The following ZNF662 variants were observed in gnomAD, a reference collection of about 807,000 sequenced individuals.
The protein encoded by ZNF662 is zinc finger protein 662.
A neutral mutation model predicts 12.4 loss-of-function variants in ZNF662; 14 were observed. The observed-to-expected ratio is 1.13, with a 90% CI of 0.75 to 1.77. The LOEUF (loss-of-function observed/expected upper bound fraction) is 1.77. ZNF662 is among the 40% of genes most tolerant of loss of function. The pLI is 0.00. For missense variants in ZNF662, 550 were observed against 515.6 expected (o/e 1.07, Z -0.65); for synonymous variants, 184 against 176.4 (o/e 1.04, Z -0.34).
intron 3 of ZNF662, among the ~76,000 whole-genome samples, chr3:42,912,398 TATATATTATATATTATATATATTA>T (rs1191032879): frequency 1.0e-5 from 1 of 98,534 alleles, no homozygotes; most frequent in African/African-American, 4.2e-5. Context: ...AATATATATT[TATATATTATATATTATATATATTA>T]ATATATATAT....
Position 42,916,254 on chromosome 3 carries a change from G to C in ZNF662, c.*900G>C, listed in dbSNP as rs2088895678. On this transcript the variant is annotated 3_prime_UTR_variant, in exon 5 of 5. Transcript: ENST00000440367. ...TCACTGAAAACCTTATTTGATGGAAGCAACATTGCAGTTAAATTGTGAACT... is the reference window on the plus strand; with the variant it reads ...TCACTGAAAACCTTATTTGATGGAACCAACATTGCAGTTAAATTGTGAACT... 1 of 151,720 alleles carries C rather than the reference G, an allele frequency of 6.6e-6. No individual in the cohort carries two copies. Among genetic ancestry groups the C allele is most frequent in the Admixed American group, 6.6e-5 (1 of 15,218 alleles). 9.4% of individuals were successfully genotyped at this position (151,720 alleles called of 1,614,324 possible).
At chr3:42,907,419 A>G (rs1365537972) in intron 1 of ZNF662, among the ~76,000 whole-genome samples, 1 of 152,104 alleles carries the variant, frequency 6.6e-6, no homozygotes, top group Non-Finnish European at 1.5e-5. Flanking sequence ...ACTGGGGAGG[A>G]CAAAGGAGGA....
chr3:42,912,647 TA>T (rs1477714248), intron 3 of ZNF662, among the ~76,000 whole-genome samples: 8 of 80,454 alleles, frequency 9.9e-5, no homozygotes, highest in Non-Finnish European at 1.8e-4. Context: ...ATTTTATATA[TA>T]TATAAATATA....
chr3:42,909,746 C>G (rs1357719853), intron 3 of ZNF662, among the ~76,000 whole-genome samples: 1 of 147,922 alleles, frequency 6.8e-6, no homozygotes, highest in East Asian at 2.1e-4. Context: ...CTCCTCACAT[C>G]TCAGACGGGG....
rs779237790 is a variant in ZNF662, at chr3:42,908,899, C to T, written c.141C>T (p.Gly47=). Residue 47 remains glycine, a synonymous_variant, in exon 3 of 5, where the codon GGC becomes GGT. Coordinates refer to ENST00000440367, the MANE Select transcript of ZNF662 (RefSeq NM_207404.4). ...CTCTGGATGGAGAGGCCCCAAGGGGCATCTCCTCAGGTGAGTGAGGGCACA... is the reference window on the plus strand; with the variant it reads ...CTCTGGATGGAGAGGCCCCAAGGGGTATCTCCTCAGGTGAGTGAGGGCACA... ...RGALDGEAPR[G]ISSGYPFLKP... 1 of 1,613,536 alleles carries T rather than the reference C, an allele frequency of 6.2e-7. No homozygotes were observed. Among genetic ancestry groups the T allele is most frequent in the Non-Finnish European group, 8.5e-7 (1 of 1,179,510 alleles).
rs1273753590 is a variant in ZNF662, at chr3:42,906,324, C to A, written c.-94+156C>A. 3 of 1,527,192 alleles carry A rather than the reference C, an allele frequency of 2.0e-6. No homozygotes were observed. The highest frequency in any genetic ancestry group is 8.8e-7 in the Non-Finnish European group (1 of 1,141,926). 94.6% of individuals were successfully genotyped at this position (1,527,192 alleles called of 1,614,324 possible). On this transcript the variant is annotated intron_variant, in intron 1 of 4. Coordinates refer to ENST00000440367, the MANE Select transcript of ZNF662 (RefSeq NM_207404.4). The surrounding 1 kb of genome is among the most constrained non-coding windows in gnomAD (Gnocchi z 4.4). The stretch of plus-strand genomic sequence containing the variant: ...AGCCTCTGGTCCGGTCTGGCGCGCC[C>A]TCGCTTTCCCAGAGGGCGACCTGGG...
In ZNF662 at chr3:42,917,430, T is replaced by C; in HGVS notation, c.*2076T>C. On this transcript the variant is annotated 3_prime_UTR_variant, in exon 5 of 5. Transcript: ENST00000440367. Reference sequence around the variant, plus strand: ...ATGTGAGACCTAGAATTATAGCAACTTTTTTTTTCTGTTAAAAGGGGAGAT... The same window carrying C: ...ATGTGAGACCTAGAATTATAGCAACCTTTTTTTTCTGTTAAAAGGGGAGAT... The C allele has an allele frequency of 1.5e-6, 1 of 664,652 alleles. No individual in the cohort carries two copies. The highest frequency in any genetic ancestry group is 2.7e-6 in the Non-Finnish European group (1 of 371,480). The allele number at this position is 664,652 out of a possible 1,614,324, so 41.2% of individuals were successfully genotyped here.
intron 4 of ZNF662, among the ~76,000 whole-genome samples, chr3:42,913,711 A>G (rs1296736157): frequency 6.6e-6 from 1 of 152,246 alleles, no homozygotes; most frequent in Non-Finnish European, 1.5e-5. Context: ...ATAATTACAG[A>G]AAAATGATGA....
rs2088900834 is a variant in ZNF662 at position 42,916,819 on chromosome 3, C to T, written c.*1465C>T. On this transcript the variant is annotated 3_prime_UTR_variant, in exon 5 of 5. Coordinates refer to ENST00000440367, the MANE Select transcript of ZNF662 (RefSeq NM_207404.4). ...ATCCTAAATCCTCTTCCAGTCTGTC[C>T]ATCCCTCACTACCATGATAGTCTAC... 1 of 152,160 alleles carries T rather than the reference C, an allele frequency of 6.6e-6. No homozygotes were observed. The highest frequency in any genetic ancestry group is 2.4e-5 in the African/African-American group (1 of 41,394). 9.4% of individuals were successfully genotyped at this position (152,160 alleles called of 1,614,324 possible).
At chr3:42,907,964 C>T in intron 1 of ZNF662, 58 bp from the exon 2 acceptor site, 1 of 1,596,434 alleles carries the variant, frequency 6.3e-7, no homozygotes, top group Non-Finnish European at 8.6e-7. Flanking sequence ...CCTGTCTCCC[C>T]TTCCTCTTGG....
At chr3:42,912,722 TTTTTATATATATAAATATATATATATATA>T (rs2088842316) in intron 3 of ZNF662, among the ~76,000 whole-genome samples, 2 of 112,410 alleles carry the variant, frequency 1.8e-5, no homozygotes, top group East Asian at 5.0e-4. Flanking sequence ...ATATATATAT[TTTTTATATATATAAATATATATATATATA>T]TTTTTTGAGA....
intron 3 of ZNF662, among the ~76,000 whole-genome samples, chr3:42,911,369 G>A (rs2125643746): frequency 6.6e-6 from 1 of 152,238 alleles, no homozygotes; most frequent in Non-Finnish European, 1.5e-5. Context: ...ACTTTACAGT[G>A]GGGAGTAGTG....
rs1380950172 is a variant in ZNF662 at position 42,912,668 on chromosome 3, T to A, written c.152-533T>A. 1.5e-3 allele frequency among the ~76,000 whole-genome samples: 80 copies of A among 52,334 alleles called. 1 individual carries two copies. Among genetic ancestry groups the A allele is most frequent in the African/African-American group, 3.6e-3 (52 of 14,536 alleles). The allele number at this position is 52,334 out of a possible 152,430, so 34.3% of individuals were successfully genotyped here. A position where few individuals can be genotyped will look rare whatever the true frequency, so the allele number is the denominator to read the frequency against. ...TATATATATAAATATATATATATAT[T>A]TTTTATATATATAAATATATATATA... On this transcript the variant is annotated intron_variant, in intron 3 of 4. Transcript: ENST00000440367.
chr3:42,912,657 T>TATATATATTTTTTATATATATAA lies in ZNF662; in HGVS notation c.152-536_152-535insTTTTTATATATATAAATATATAT, dbSNP rs1559381493. Among the ~76,000 whole-genome samples, 32 of 67,474 alleles carry TATATATATTTTTTATATATATAA rather than the reference T, an allele frequency of 4.7e-4. 2 individuals are homozygous for TATATATATTTTTTATATATATAA. The highest frequency in any genetic ancestry group is 1.5e-3 in the African/African-American group (30 of 20,120). The allele number at this position is 67,474 out of a possible 152,430, so 44.3% of individuals were successfully genotyped here. The stretch of plus-strand genomic sequence containing the variant: ...TATATATTTTATATATATATAAATA[T>TATATATATTTTTTATATATATAA]ATATATATATTTTTTATATATATAA... On this transcript the variant is annotated intron_variant, in intron 3 of 4. Coordinates refer to ENST00000440367, the MANE Select transcript of ZNF662 (RefSeq NM_207404.4).
At chr3:42,912,657 TATATATATATTTTTTATATATATAA>T (rs1559381494) in intron 3 of ZNF662, among the ~76,000 whole-genome samples, 1 of 67,476 alleles carries the variant, frequency 1.5e-5, no homozygotes, top group African/African-American at 5.0e-5. Context: ...TATATAAATA[TATATATATATTTTTTATATATATAA>T]ATATATATAT....
In ZNF662 at chr3:42,918,054, C is replaced by T. The variant is rs562600164; in HGVS notation, c.*2700C>T. ...CTGGGAGGTGGAGGTTGCAGTGAGC[C>T]GAGATTGTGCCATTGCACTCCAGCC... On this transcript the variant is annotated 3_prime_UTR_variant, in exon 5 of 5. Transcript: ENST00000440367. 4.6e-5 allele frequency among the ~76,000 whole-genome samples: 7 copies of T among 152,124 alleles called. No homozygotes were observed. Among genetic ancestry groups the T allele is most frequent in the Admixed American group, 2.0e-4 (3 of 15,276 alleles).
intron 1 of ZNF662, among the ~76,000 whole-genome samples, chr3:42,907,055 A>G (rs980077460): frequency 6.6e-6 from 1 of 152,206 alleles, no homozygotes; most frequent in Non-Finnish European, 1.5e-5. Flanking sequence ...GTGCGCAAGG[A>G]CTGAAGTGCA....
chr3:42,907,487 A>C (rs2088699530), intron 1 of ZNF662: 1 of 163,594 alleles, frequency 6.1e-6, no homozygotes, highest in African/African-American at 2.4e-5. Context: ...GCAGTGTGGC[A>C]TAACAGGCAA....
Position 42,908,850 on chromosome 3 carries a change from C to T in ZNF662, c.92C>T (p.Pro31Leu). 6.2e-7 allele frequency: 1 copy of T among 1,614,144 alleles called. No individual in the cohort carries two copies. Among genetic ancestry groups the T allele is most frequent in the Non-Finnish European group, 8.5e-7 (1 of 1,180,000 alleles). ...LISQLERGETPWCSVPRGALD... is the reference protein window; with the variant it reads ...LISQLERGETLWCSVPRGALD... ...TCCCAGCTGGAGCGAGGGGAAACAC[C>T]CTGGTGCTCGGTTCCTCGGGGAGCT... The change falls in exon 3 of 5, where the codon CCC becomes CTC. Residue 31 changes from proline (P) to leucine (L), a missense_variant. Pro to Leu is a moderately conservative substitution (Grantham distance 98). Transcript: ENST00000440367.
Sources: gnomAD v4.1 joint callset for allele counts (sites outside exome capture counted in the v4.1 genomes callset) on GRCh38, gnomAD v4.1.1 for gene constraint, Gnocchi (gnomAD v3.1) non-coding constraint, MANE v1.5 for transcripts, NCBI Gene and HGNC (gene_info 2026-07-23, HGNC 2026-07-21) for gene names.